The following PBLD variants were observed in gnomAD, a reference collection of about 807,000 sequenced individuals.
The protein encoded by PBLD is phenazine biosynthesis-like domain-containing protein.
Under a neutral mutation model 31.3 loss-of-function variants are expected in PBLD, and 26 were observed. That is an observed-to-expected ratio of 0.83 (90% CI 0.61 to 1.15). PBLD has a LOEUF of 1.15. Among genes scored for constraint, PBLD ranks in the 50% most tolerant of loss-of-function variants. The pLI, the probability that PBLD is intolerant of heterozygous loss-of-function variation, is 0.00. For synonymous variants in PBLD, 114 were observed against 129.0 expected, an observed-to-expected ratio of 0.88 and a Z score of 0.79; for missense variants, 307 against 351.7, an observed-to-expected ratio of 0.87 and a Z score of 1.02.
At chr10:68,308,015 T>C (rs2044607038) in intron 1 of PBLD, among the ~76,000 whole-genome samples, 1 of 152,148 alleles carries the variant, frequency 6.6e-6, no homozygotes, top group Non-Finnish European at 1.5e-5. Context: ...TTTATCAGAA[T>C]TTTACCCTCT....
At chr10:68,331,168 A>G (rs1162541740) in intron 1 of PBLD, 1 of 152,168 alleles carries the variant, frequency 6.6e-6, no homozygotes, top group African/African-American at 2.4e-5. Flanking sequence ...CTTTTTTGGA[A>G]CTTAAAAAAA....
chr10:68,317,014 A>G (rs964562042), intron 1 of PBLD, among the ~76,000 whole-genome samples: 1 of 152,178 alleles, frequency 6.6e-6, no homozygotes, highest in African/African-American at 2.4e-5. Flanking sequence ...CTCCATCTCA[A>G]AAAAAAGAGA....
At chr10:68,294,812 C>T (rs1424483981) in intron 4 of PBLD, among the ~76,000 whole-genome samples, 3 of 152,226 alleles carry the variant, frequency 2.0e-5, no homozygotes, top group Non-Finnish European at 2.9e-5. Flanking sequence ...ACTGCAACCA[C>T]GGCCTCCCAG....
intron 7 of PBLD, 58 bp from the exon 8 acceptor site, chr10:68,288,719 A>C: frequency 6.4e-7 from 1 of 1,563,020 alleles, no homozygotes; most frequent in East Asian, 2.2e-5. Context: ...CTCACCACAC[A>C]GACTCTGTGA....
At chr10:68,314,717 A>T (rs1018537130) in intron 1 of PBLD, among the ~76,000 whole-genome samples, 1 of 150,358 alleles carries the variant, frequency 6.7e-6, no homozygotes, top group African/African-American at 2.4e-5. Context: ...CCTTCCTCAG[A>T]CTCCTAAGTA....
chr10:68,319,134 GA>G (rs2044793090), intron 1 of PBLD, among the ~76,000 whole-genome samples: 1 of 141,726 alleles, frequency 7.1e-6, no homozygotes, highest in Non-Finnish European at 1.5e-5. Flanking sequence ...AAGAGAGAAG[GA>G]GAAATAGCAA....
intron 3 of PBLD, among the ~76,000 whole-genome samples, chr10:68,296,669 C>A (rs867092563): frequency 6.6e-6 from 1 of 152,154 alleles, no homozygotes; most frequent in Non-Finnish European, 1.5e-5. Context: ...CATTCCCCCA[C>A]CTAAAAAATA....
At chr10:68,316,094 A>C (rs1293002693) in intron 1 of PBLD, among the ~76,000 whole-genome samples, 1 of 152,202 alleles carries the variant, frequency 6.6e-6, no homozygotes, top group African/African-American at 2.4e-5. Flanking sequence ...AGAAACAAGA[A>C]AGTATACCAT....
intron 2 of PBLD, among the ~76,000 whole-genome samples, chr10:68,300,821 A>C (rs1180532721): frequency 1.3e-5 from 2 of 151,996 alleles, no homozygotes; most frequent in African/African-American, 4.8e-5. Flanking sequence ...GGTGATTTGG[A>C]CAGAAAAGTG....
intron 2 of PBLD, among the ~76,000 whole-genome samples, chr10:68,301,518 G>A (rs1246509440): frequency 6.6e-6 from 1 of 152,186 alleles, no homozygotes; most frequent in Middle Eastern, 3.2e-3. Flanking sequence ...TGCAGAGTCT[G>A]CAATCACAAG....
intron 2 of PBLD, among the ~76,000 whole-genome samples, chr10:68,305,679 C>T (rs1027219154): frequency 2.6e-5 from 4 of 152,026 alleles, no homozygotes; most frequent in African/African-American, 9.7e-5. Flanking sequence ...CACTTGAACC[C>T]GGGAGGCGGA....
At chr10:68,303,960 G>T (rs1484689747) in intron 2 of PBLD, among the ~76,000 whole-genome samples, 4 of 152,134 alleles carry the variant, frequency 2.6e-5, no homozygotes, top group Non-Finnish European at 5.9e-5. Context: ...ATAACGATGG[G>T]TTTACATGCC....
At chr10:68,320,370 A>G (rs1049910483) in intron 1 of PBLD, among the ~76,000 whole-genome samples, 1 of 152,202 alleles carries the variant, frequency 6.6e-6, no homozygotes, top group African/African-American at 2.4e-5. Flanking sequence ...CCCAAAATAC[A>G]TGATGCAAAA....
intron 6 of PBLD, among the ~76,000 whole-genome samples, chr10:68,291,293 A>C (rs1032126149): frequency 6.6e-6 from 1 of 152,334 alleles, no homozygotes; most frequent in Middle Eastern, 3.4e-3. Flanking sequence ...AATGCTCAGC[A>C]TGTGGCACTG....
At chr10:68,301,643 G>A (rs1051456558) in intron 2 of PBLD, among the ~76,000 whole-genome samples, 1 of 152,104 alleles carries the variant, frequency 6.6e-6, no homozygotes, top group Non-Finnish European at 1.5e-5. Flanking sequence ...ATGATCTGGC[G>A]AAACTTCCTA....
intron 1 of PBLD, among the ~76,000 whole-genome samples, chr10:68,330,187 T>TG (rs1052711970): frequency 1.6e-4 from 24 of 152,264 alleles, no homozygotes; most frequent in Middle Eastern, 3.4e-3. Flanking sequence ...TGGGGGTATG[T>TG]GAGCATCATG....
At chr10:68,325,557 T>A (rs1015111528) in intron 1 of PBLD, among the ~76,000 whole-genome samples, 1 of 152,148 alleles carries the variant, frequency 6.6e-6, no homozygotes, top group Admixed American at 6.6e-5. Context: ...ACAGTGAGAC[T>A]GCATCTCAAA....
chr10:68,299,195 G>A (rs1433410577), intron 2 of PBLD, among the ~76,000 whole-genome samples: 1 of 150,290 alleles, frequency 6.7e-6, no homozygotes, highest in African/African-American at 2.4e-5. Flanking sequence ...ATGCTTACTA[G>A]TTAGATTTTG....
chr10:68,314,978 C>T (rs550854422), intron 1 of PBLD, among the ~76,000 whole-genome samples: 38 of 151,934 alleles, frequency 2.5e-4, no homozygotes, highest in African/African-American at 5.8e-4. Flanking sequence ...TTAGTTGAGA[C>T]GGGGTTTCGC....
Sources: allele counts gnomAD v4.1 joint callset (sites outside exome capture counted in the v4.1 genomes callset), GRCh38; gene constraint gnomAD v4.1.1; transcripts MANE v1.5; gene names NCBI Gene and HGNC (gene_info 2026-07-23, HGNC 2026-07-21).